HPSE2: variants seen among roughly 807,000 people sequenced by gnomAD.
HPSE2 encodes inactive heparanase-2.
HPSE2 carries 38 observed loss-of-function variants against 60.5 expected under a neutral mutation model. The observed-to-expected ratio is 0.63, with a 90% CI of 0.48 to 0.82. The LOEUF is 0.82. Among genes scored for constraint, HPSE2 ranks in the 40% least tolerant of loss-of-function variants. The pLI is 0.00. For synonymous variants in HPSE2, 295 were observed against 293.2 expected (o/e 1.01, Z -0.06); for missense variants, 713 against 740.4 (o/e 0.96, Z 0.43).
intron 3 of HPSE2, among the ~76,000 whole-genome samples, chr10:98,963,152 T>C (rs1162740367): frequency 6.6e-6 from 1 of 152,288 alleles, no homozygotes; most frequent in African/African-American, 2.4e-5. Context: ...AGTCAATAAA[T>C]AATCAATATG....
At chr10:98,974,156 G>T (rs982295508) in intron 3 of HPSE2, among the ~76,000 whole-genome samples, 4 of 151,982 alleles carry the variant, frequency 2.6e-5, no homozygotes, top group Admixed American at 6.6e-5. Flanking sequence ...GCCAGGTGTG[G>T]TGGTGTGCAC....
At chr10:99,073,525 G>A (rs1842864348) in intron 3 of HPSE2, among the ~76,000 whole-genome samples, 1 of 152,082 alleles carries the variant, frequency 6.6e-6, no homozygotes, top group African/African-American at 2.4e-5. Context: ...AATGCATGCT[G>A]GGCTTAATAC....
chr10:98,675,279 T>G (rs1202426038), intron 6 of HPSE2, among the ~76,000 whole-genome samples: 1 of 152,186 alleles, frequency 6.6e-6, no homozygotes, highest in East Asian at 1.9e-4. Flanking sequence ...AAGATCACTC[T>G]ATTTTACAAA....
chr10:99,137,801 T>C (rs1415348383), intron 3 of HPSE2, among the ~76,000 whole-genome samples: 1 of 152,172 alleles, frequency 6.6e-6, no homozygotes, highest in Non-Finnish European at 1.5e-5. Flanking sequence ...GAAGAAAACC[T>C]GGGCAATACC....
chr10:99,227,231 C>T (rs1296640030), intron 2 of HPSE2, among the ~76,000 whole-genome samples: 2 of 151,946 alleles, frequency 1.3e-5, no homozygotes, highest in South Asian at 2.1e-4. Context: ...ACACATTCAT[C>T]ATTTAGAATT....
intron 9 of HPSE2, among the ~76,000 whole-genome samples, chr10:98,530,827 G>A (rs1303696083): frequency 1.3e-5 from 2 of 152,138 alleles, no homozygotes; most frequent in Non-Finnish European, 2.9e-5. Flanking sequence ...CCACCCCCGA[G>A]GTGGCCCTAC....
chr10:99,116,752 G>T (rs1844707336), intron 3 of HPSE2, among the ~76,000 whole-genome samples: 1 of 152,160 alleles, frequency 6.6e-6, no homozygotes, highest in Admixed American at 6.5e-5. Context: ...AAAAAGTACT[G>T]CTTGCCTGCT....
intron 3 of HPSE2, among the ~76,000 whole-genome samples, chr10:98,882,759 A>G (rs1953059634): frequency 6.6e-6 from 1 of 152,106 alleles, no homozygotes; most frequent in Non-Finnish European, 1.5e-5. Context: ...CAGAGAGTTT[A>G]TGGGAAGTTC....
At chr10:98,499,009 A>G (rs7095956) in intron 9 of HPSE2, among the ~76,000 whole-genome samples, 140,803 of 152,252 alleles carry the variant, frequency 0.92, 66,080 homozygotes, top group East Asian at 1. Context: ...ATTATGTTAA[A>G]TGATGAAACC....
chr10:98,719,291 C>T (rs1313093718), intron 5 of HPSE2, among the ~76,000 whole-genome samples: 1 of 152,076 alleles, frequency 6.6e-6, no homozygotes. Flanking sequence ...GGTCCTGACC[C>T]TACTCTGTGG....
At chr10:98,708,985 C>T (rs72840582) in intron 5 of HPSE2, among the ~76,000 whole-genome samples, 2,337 of 152,270 alleles carry the variant, frequency 0.015, 34 homozygotes, top group African/African-American at 0.031. Context: ...CTTCCCTGAA[C>T]GTTAGGCTTT....
At chr10:99,116,140 C>G (rs1353279596) in intron 3 of HPSE2, among the ~76,000 whole-genome samples, 1 of 151,862 alleles carries the variant, frequency 6.6e-6, no homozygotes, top group Non-Finnish European at 1.5e-5. Flanking sequence ...CTTTATTTCC[C>G]AGGGGACTGA....
chr10:98,800,499 TATAAC>T (rs1465791139), intron 3 of HPSE2, among the ~76,000 whole-genome samples: 4 of 148,022 alleles, frequency 2.7e-5, no homozygotes, highest in Non-Finnish European at 4.5e-5. Context: ...AATATATAAA[TATAAC>T]ATATATAATA....
intron 2 of HPSE2, among the ~76,000 whole-genome samples, chr10:99,222,078 T>C (rs1334318331): frequency 6.6e-6 from 1 of 152,104 alleles, no homozygotes; most frequent in Non-Finnish European, 1.5e-5. Flanking sequence ...CATTTAGCCC[T>C]ATTTACAAGC....
intron 3 of HPSE2, among the ~76,000 whole-genome samples, chr10:98,794,800 T>C (rs564436962): frequency 6.6e-6 from 1 of 152,230 alleles, no homozygotes; most frequent in South Asian, 2.1e-4. Context: ...GATTTAAAAA[T>C]TGTATGCTTT....
chr10:99,069,953 G>C (rs552741289), intron 3 of HPSE2, among the ~76,000 whole-genome samples: 9 of 152,068 alleles, frequency 5.9e-5, no homozygotes, highest in Non-Finnish European at 1.2e-4. Flanking sequence ...AAGAGTCTGC[G>C]TATCTAGGCA....
intron 3 of HPSE2, among the ~76,000 whole-genome samples, chr10:99,089,249 A>C (rs953736020): frequency 2.6e-5 from 4 of 152,166 alleles, no homozygotes; most frequent in Non-Finnish European, 5.9e-5. Flanking sequence ...TCTTTGCATA[A>C]GCCAATGTCT....
At chr10:98,875,768 G>C (rs1383394034) in intron 3 of HPSE2, among the ~76,000 whole-genome samples, 2 of 152,052 alleles carry the variant, frequency 1.3e-5, no homozygotes, top group Non-Finnish European at 2.9e-5. Context: ...AATCCTCCGT[G>C]AATTCTATTT....
At chr10:98,977,088 C>A (rs191690123) in intron 3 of HPSE2, among the ~76,000 whole-genome samples, 62 of 152,270 alleles carry the variant, frequency 4.1e-4, no homozygotes, top group Admixed American at 4.0e-3. Flanking sequence ...AGACCTCTGG[C>A]CTCCAGAACT....
Sources: gnomAD v4.1 joint callset for allele counts (sites outside exome capture counted in the v4.1 genomes callset) on GRCh38, gnomAD v4.1.1 for gene constraint, MANE v1.5 for transcripts, NCBI Gene and HGNC (gene_info 2026-07-23, HGNC 2026-07-21) for gene names.